YWHAZ: variants seen among roughly 807,000 people sequenced by gnomAD.
The protein encoded by YWHAZ is 14-3-3 protein zeta/delta.
For missense variants in YWHAZ, 79 were observed against 284.8 expected (o/e 0.28, Z 5.20); for synonymous variants, 87 against 103.6 (o/e 0.84, Z 0.97).
Position 100,924,402 on chromosome 8 carries a change from G to A in YWHAZ, c.419-104C>T, listed in dbSNP as rs958159052. On this transcript the variant is annotated intron_variant, in intron 3 of 5. Transcript: ENST00000395958. The surrounding 1 kb of genome is among the most constrained non-coding windows in gnomAD (Gnocchi z 5.7). Reference sequence around the variant, plus strand: ...CACATATCCTTTGAAATACTAACCTGTAACAGCTTAATATTTGTTAATTGA... The same window carrying A: ...CACATATCCTTTGAAATACTAACCTATAACAGCTTAATATTTGTTAATTGA... 6.9e-6 allele frequency: 8 copies of A among 1,158,156 alleles called. No individual in the cohort carries two copies. The highest frequency in any genetic ancestry group is 2.7e-5 in the Admixed American group (1 of 37,490). 71.7% of individuals were successfully genotyped at this position (1,158,156 alleles called of 1,614,324 possible). A position where few individuals can be genotyped will look rare whatever the true frequency, so the allele number is the denominator to read the frequency against.
rs930190713 is a variant in YWHAZ at position 100,919,952 on chromosome 8, C to T, written c.*741G>A. 2.6e-5 allele frequency: 4 copies of T among 151,914 alleles called. No individual in the cohort carries two copies. Among genetic ancestry groups the T allele is most frequent in the Non-Finnish European group, 5.9e-5 (4 of 67,936 alleles). 9.4% of individuals were successfully genotyped at this position (151,914 alleles called of 1,614,324 possible). ...TTGTTTTACTGCTGTGCTTGATATA[C>T]ATGAAGTAATGAATACCAAGCAATT... is the stretch of plus-strand genomic sequence containing the variant. On this transcript the variant is annotated 3_prime_UTR_variant, in exon 6 of 6. Coordinates refer to ENST00000395958, the MANE Select transcript of YWHAZ (RefSeq NM_145690.3).
intron 5 of YWHAZ, 78 bp downstream of exon 5, chr8:100,923,877 A>AT: frequency 2.5e-6 from 3 of 1,220,344 alleles, no homozygotes; most frequent in Non-Finnish European, 3.4e-6. Flanking sequence ...GATGTATTTA[A>AT]TAAAAAAAAA....
intron 2 of YWHAZ, among the ~76,000 whole-genome samples, chr8:100,928,565 C>G (rs1813529831): frequency 6.6e-6 from 1 of 151,952 alleles, no homozygotes; most frequent in Non-Finnish European, 1.5e-5. Context: ...AACCTCGTCT[C>G]TACCAAAAAT....
At chr8:100,946,629 A>C (rs1230596154) in intron 2 of YWHAZ, among the ~76,000 whole-genome samples, 1 of 152,194 alleles carries the variant, frequency 6.6e-6, no homozygotes, top group Non-Finnish European at 1.5e-5. Context: ...TCACAATGAC[A>C]GGAACTTTTA....
chr8:100,941,220 A>G (rs146546505), intron 2 of YWHAZ, among the ~76,000 whole-genome samples: 49 of 152,324 alleles, frequency 3.2e-4, no homozygotes, highest in Non-Finnish European at 4.9e-4. Flanking sequence ...ATTTTGCATA[A>G]TATTTTCATC....
intron 2 of YWHAZ, among the ~76,000 whole-genome samples, chr8:100,927,565 G>A (rs921954382): frequency 2.0e-5 from 3 of 152,078 alleles, no homozygotes; most frequent in Admixed American, 1.3e-4. Flanking sequence ...TTCACTTTTC[G>A]GTAACTTTAA....
At chr8:100,933,786 T>A (rs114054922) in intron 2 of YWHAZ, among the ~76,000 whole-genome samples, 2 of 151,976 alleles carry the variant, frequency 1.3e-5, no homozygotes, top group African/African-American at 2.4e-5. Flanking sequence ...GCTGGGAGGA[T>A]TGCTGGAGGC....
chr8:100,936,618 T>C (rs1934344521), intron 2 of YWHAZ, among the ~76,000 whole-genome samples: 3 of 152,114 alleles, frequency 2.0e-5, no homozygotes, highest in Admixed American at 1.3e-4. Context: ...CTGGCCAACA[T>C]GGTGAAACCC....
chr8:100,953,346 G>A, upstream of YWHAZ: 1 of 985,674 alleles, frequency 1.0e-6, no homozygotes, highest in Middle Eastern at 5.2e-4. Context: ...GTGGGCCACA[G>A]GCCGGGTGAT....
At chr8:100,921,359 A>G (rs148317080) in intron 5 of YWHAZ, among the ~76,000 whole-genome samples, 58 of 152,274 alleles carry the variant, frequency 3.8e-4, no homozygotes, top group African/African-American at 1.4e-3. Context: ...CTAAGCATCA[A>G]TAGGTGTCAG....
At chr8:100,921,738 C>CTT (rs1813040628) in intron 5 of YWHAZ, among the ~76,000 whole-genome samples, 1 of 152,214 alleles carries the variant, frequency 6.6e-6, no homozygotes, top group South Asian at 2.1e-4. Context: ...AGAACCAAAT[C>CTT]TTTTAACAGG....
chr8:100,929,205 T>C (rs1813589327), intron 2 of YWHAZ, among the ~76,000 whole-genome samples: 1 of 151,462 alleles, frequency 6.6e-6, no homozygotes, highest in Admixed American at 6.6e-5. Context: ...ACATTGATTT[T>C]TTTTTTTTTT....
intron 2 of YWHAZ, among the ~76,000 whole-genome samples, chr8:100,946,646 G>A (rs1362999510): frequency 6.6e-6 from 1 of 151,940 alleles, no homozygotes; most frequent in Non-Finnish European, 1.5e-5. Flanking sequence ...TTTATACTTT[G>A]TATATGGAAA....
Position 100,924,466 on chromosome 8 carries a change from G to T in YWHAZ, c.419-168C>A, listed in dbSNP as rs568230829. On this transcript the variant is annotated intron_variant, in intron 3 of 5. Transcript: ENST00000395958. This position sits in a 1 kb window ranked among gnomAD's most constrained non-coding sequence, Gnocchi z 5.7. ...TTTTTTTTAAAGGGAGCTTTCTCCT[G>T]GTACACACTAGCCATTGATCAATGT... The T allele has an allele frequency of 6.3e-5, 38 of 607,944 alleles. No homozygotes were observed. The South Asian group carries it at 9.4e-4, about 15-fold the overall frequency. The allele number at this position is 607,944 out of a possible 1,614,324, so 37.7% of individuals were successfully genotyped here.
At position 100,948,146 on chromosome 8, in the gene YWHAZ, T is replaced by G; in HGVS notation, c.294+450A>C. The G allele has an allele frequency of 6.5e-7, 1 of 1,533,868 alleles. No homozygotes were observed. Among genetic ancestry groups the G allele is most frequent in the Non-Finnish European group, 8.7e-7 (1 of 1,146,346 alleles). ...AGAGTTTTCTGCATGGTTGACTCATTACATTAACATTATAGCGGCTAATCC... is the reference window on the plus strand; with the variant it reads ...AGAGTTTTCTGCATGGTTGACTCATGACATTAACATTATAGCGGCTAATCC... On this transcript the variant is annotated intron_variant, in intron 2 of 5. Coordinates refer to ENST00000395958, the MANE Select transcript of YWHAZ (RefSeq NM_145690.3). The surrounding 1 kb of genome is among the most constrained non-coding windows in gnomAD (Gnocchi z 4.2).
chr8:100,920,969 C>T (rs1333142513), intron 5 of YWHAZ, among the ~76,000 whole-genome samples: 2 of 152,294 alleles, frequency 1.3e-5, no homozygotes, highest in East Asian at 3.9e-4. Flanking sequence ...CACAGAGTTG[C>T]CTTCAAATAA....
upstream of YWHAZ, chr8:100,953,279 C>T (rs1810928793): frequency 5.1e-6 from 5 of 985,488 alleles, no homozygotes; most frequent in South Asian, 4.7e-5. Context: ...CTTTTTATCT[C>T]CTAGAAGCAA....
chr8:100,919,425 C>T lies in YWHAZ; in HGVS notation c.*1268G>A, dbSNP rs1174362589. On this transcript the variant is annotated 3_prime_UTR_variant, in exon 6 of 6. Coordinates refer to ENST00000395958, the MANE Select transcript of YWHAZ (RefSeq NM_145690.3). ...CCAAAATTTTAAATGGAACACACTACATTTTTTTCTAATCAATCCCCCCCT... is the reference window on the plus strand; with the variant it reads ...CCAAAATTTTAAATGGAACACACTATATTTTTTTCTAATCAATCCCCCCCT... 2.0e-5 allele frequency: 3 copies of T among 152,628 alleles called. 1 individual carries two copies. The East Asian group carries it at 5.8e-4, about 29-fold the overall frequency. The allele number at this position is 152,628 out of a possible 1,614,324, so 9.5% of individuals were successfully genotyped here. A position where few individuals can be genotyped will look rare whatever the true frequency, so the allele number is the denominator to read the frequency against.
At position 100,924,749 on chromosome 8, in the gene YWHAZ, A is replaced by G. The variant is rs1181554333; in HGVS notation, c.418+167T>C. 6.6e-6 allele frequency among the ~76,000 whole-genome samples: 1 copy of G among 152,210 alleles called. No homozygotes were observed. Among genetic ancestry groups the G allele is most frequent in the African/African-American group, 2.4e-5 (1 of 41,450 alleles). The stretch of plus-strand genomic sequence containing the variant: ...CTTTTCAGAAAGCATTTATTTTAGA[A>G]TAGCAGTATGAGGCAGTAGATGTGT... On this transcript the variant is annotated intron_variant, in intron 3 of 5. Transcript: ENST00000395958. This position sits in a 1 kb window ranked among gnomAD's most constrained non-coding sequence, Gnocchi z 5.7.
Sources: allele counts gnomAD v4.1 joint callset (sites outside exome capture counted in the v4.1 genomes callset), GRCh38; gene constraint gnomAD v4.1.1; non-coding constraint Gnocchi (gnomAD v3.1); transcripts MANE v1.5; gene names NCBI Gene and HGNC (gene_info 2026-07-23, HGNC 2026-07-21).